Variants in SHANK2 observed in about 807,000 individuals in gnomAD.
SHANK2 encodes SH3 and multiple ankyrin repeat domains protein 2.
Under a neutral mutation model 133.7 loss-of-function variants are expected in SHANK2, and 43 were observed. The ratio of observed to expected loss-of-function variants is 0.32; its 90% CI spans 0.25 to 0.41. The LOEUF (loss-of-function observed/expected upper bound fraction) is 0.41, where lower values mean the gene tolerates loss of function less well. Ranked by LOEUF, SHANK2 falls within the 10% of genes least tolerant of loss-of-function variation. The pLI, the probability that SHANK2 is intolerant of heterozygous loss-of-function variation, is 1.00. For synonymous variants in SHANK2, 1,017 were observed against 952.8 expected (o/e 1.07, Z -1.24); for missense variants, 1,994 against 2,235.8 (o/e 0.89, Z 2.18).
intron 21 of SHANK2, among the ~76,000 whole-genome samples, chr11:70,496,056 G>A (rs1245030630): frequency 2.0e-5 from 3 of 152,170 alleles, no homozygotes; most frequent in Non-Finnish European, 2.9e-5. Flanking sequence ...GAAAGTCATC[G>A]GCGTTGAACA....
intron 17 of SHANK2, among the ~76,000 whole-genome samples, chr11:70,505,737 A>C (rs2059126582): frequency 6.6e-6 from 1 of 152,170 alleles, no homozygotes; most frequent in African/African-American, 2.4e-5. Context: ...TCACTGGAGA[A>C]GCCAAGCTCA....
chr11:71,204,784 C>T (rs567327516), intron 2 of SHANK2, among the ~76,000 whole-genome samples: 26 of 152,280 alleles, frequency 1.7e-4, no homozygotes, highest in East Asian at 3.9e-4. Flanking sequence ...CCTGGAGCCA[C>T]GCCAGACAAG....
At chr11:70,778,544 C>T (rs1002396162) in intron 14 of SHANK2, among the ~76,000 whole-genome samples, 2 of 151,744 alleles carry the variant, frequency 1.3e-5, no homozygotes, top group African/African-American at 2.4e-5. Context: ...AGGGCCTTGA[C>T]CCAAGAGGAC....
At chr11:70,509,472 C>G (rs527482372) in intron 17 of SHANK2, among the ~76,000 whole-genome samples, 9 of 152,374 alleles carry the variant, frequency 5.9e-5, no homozygotes, top group African/African-American at 2.2e-4. Context: ...GAGCTCTGCA[C>G]TCTTCCTTGC....
chr11:70,931,627 TCTCTAAGCC>T (rs1950505889), intron 10 of SHANK2, among the ~76,000 whole-genome samples: 1 of 152,134 alleles, frequency 6.6e-6, no homozygotes, highest in Non-Finnish European at 1.5e-5. Flanking sequence ...TCGTAGGTCA[TCTCTAAGCC>T]CTCACCCGCC....
intron 17 of SHANK2, among the ~76,000 whole-genome samples, chr11:70,601,208 C>T (rs1302341721): frequency 8.2e-5 from 11 of 133,882 alleles, no homozygotes; most frequent in African/African-American, 1.7e-4. Context: ...CATGCAACCA[C>T]GCCCAGCTAA....
intron 3 of SHANK2, among the ~76,000 whole-genome samples, chr11:71,125,948 G>A (rs142507832): frequency 0.012 from 1,839 of 152,166 alleles, 41 homozygotes; most frequent in African/African-American, 0.042. Context: ...GGCCAGGCGC[G>A]GTGGCTCACG....
At chr11:70,897,691 G>A (rs1156372047) in intron 10 of SHANK2, among the ~76,000 whole-genome samples, 5 of 152,210 alleles carry the variant, frequency 3.3e-5, no homozygotes, top group Non-Finnish European at 5.9e-5. Flanking sequence ...TTGTGTGTAT[G>A]AGGTGATCTG....
Position 70,495,229 on chromosome 11 carries a change from C to T in SHANK2, c.2309-2764G>A, listed in dbSNP as rs550166356. On this transcript the variant is annotated intron_variant, in intron 21 of 25. Coordinates refer to ENST00000601538, the MANE Select transcript of SHANK2 (RefSeq NM_012309.5). ...TCCCTGTCAACCTCCCTGGGCTGCA[C>T]GGGCTGGGTCCACCTGCCATGGTCC... Among the ~76,000 whole-genome samples, 15 of 152,308 alleles carry T rather than the reference C, an allele frequency of 9.8e-5. No individual in the cohort carries two copies. The South Asian group carries it at 2.9e-3, about 29-fold the overall frequency.
chr11:71,154,564 G>T (rs1171752630), intron 2 of SHANK2, among the ~76,000 whole-genome samples: 1 of 152,232 alleles, frequency 6.6e-6, no homozygotes, highest in African/African-American at 2.4e-5. Context: ...ACACATGGGG[G>T]CCCTGGCCAA....
chr11:71,160,359 T>C (rs1952989391), intron 2 of SHANK2, among the ~76,000 whole-genome samples: 1 of 152,182 alleles, frequency 6.6e-6, no homozygotes, highest in African/African-American at 2.4e-5. Flanking sequence ...TGATGGTATT[T>C]GGAGGTAGGA....
At chr11:70,708,124 C>T (rs1003028488) in intron 14 of SHANK2, among the ~76,000 whole-genome samples, 6 of 152,206 alleles carry the variant, frequency 3.9e-5, no homozygotes, top group Admixed American at 6.5e-5. Flanking sequence ...AAAGCCCTGG[C>T]GTCCCTAGAC....
intron 10 of SHANK2, among the ~76,000 whole-genome samples, chr11:70,952,487 T>C (rs1950858840): frequency 6.6e-6 from 1 of 152,204 alleles, no homozygotes; most frequent in Non-Finnish European, 1.5e-5. Flanking sequence ...TACTTGGCTG[T>C]CTTGTTCAAA....
chr11:71,126,861 C>T (rs528174837), intron 3 of SHANK2, among the ~76,000 whole-genome samples: 5 of 152,084 alleles, frequency 3.3e-5, no homozygotes, highest in African/African-American at 9.6e-5. Flanking sequence ...GTGCCCACCA[C>T]CCTACCCAGC....
intron 2 of SHANK2, among the ~76,000 whole-genome samples, chr11:71,182,359 G>A (rs1249322467): frequency 6.6e-6 from 1 of 152,158 alleles, no homozygotes; most frequent in Admixed American, 6.5e-5. Context: ...GGACTACCAC[G>A]ACAAAGTACC....
chr11:70,632,246 C>T (rs1265072944), intron 17 of SHANK2, among the ~76,000 whole-genome samples: 4 of 152,172 alleles, frequency 2.6e-5, no homozygotes, highest in South Asian at 2.1e-4. Context: ...CTCAGCCTCC[C>T]GAGTAGCTGG....
intron 2 of SHANK2, among the ~76,000 whole-genome samples, chr11:71,221,523 G>A (rs939885297): frequency 5.9e-5 from 9 of 152,174 alleles, no homozygotes; most frequent in African/African-American, 1.9e-4. Context: ...ATTAGGGGGT[G>A]CCTGATTACA....
At chr11:70,818,199 G>A (rs1565338122) in intron 12 of SHANK2, among the ~76,000 whole-genome samples, 1 of 152,080 alleles carries the variant, frequency 6.6e-6, no homozygotes, top group Non-Finnish European at 1.5e-5. Flanking sequence ...CATACACAAT[G>A]ATTCTCTCTC....
rs782346253 is a variant in SHANK2, at chr11:70,487,284, G to A, written c.3009C>T (p.Pro1003=). 6.8e-6 allele frequency: 11 copies of A among 1,614,194 alleles called. No homozygotes were observed. Among genetic ancestry groups the A allele is most frequent in the Non-Finnish European group, 8.5e-6 (10 of 1,180,030 alleles). Reference sequence around the variant, plus strand: ...TCCCCTTCCGCCTGGCGGGCTTGGCGGGGACGTAGACGGCTTTGCTGGCGA... The same window carrying A: ...TCCCCTTCCGCCTGGCGGGCTTGGCAGGGACGTAGACGGCTTTGCTGGCGA... The part of the protein sequence containing the change: ...GKIASKAVYV[P]AKPARRKGML... Residue 1003 remains proline, a synonymous_variant, in exon 25 of 26, where the codon CCC becomes CCT. Coordinates refer to ENST00000601538, the MANE Select transcript of SHANK2 (RefSeq NM_012309.5). The surrounding 1 kb of genome is among the most constrained non-coding windows in gnomAD (Gnocchi z 5.8).
Sources: gnomAD v4.1 joint callset for allele counts (sites outside exome capture counted in the v4.1 genomes callset) on GRCh38, gnomAD v4.1.1 for gene constraint, Gnocchi (gnomAD v3.1) non-coding constraint, MANE v1.5 for transcripts, NCBI Gene and HGNC (gene_info 2026-07-23, HGNC 2026-07-21) for gene names.